Variants in LRP1B observed in about 807,000 individuals in gnomAD.
The protein encoded by LRP1B is LDL receptor related protein 1B, also known as low-density lipoprotein receptor-related protein 1B.
A neutral mutation model predicts 556.6 loss-of-function variants in LRP1B; 217 were observed. That is an observed-to-expected ratio of 0.39 (90% confidence interval 0.35 to 0.44). The LOEUF is 0.44. Among genes scored for constraint, LRP1B ranks in the 20% least tolerant of loss-of-function variants. LRP1B has a pLI of 1.00. For synonymous variants in LRP1B, 2,047 were observed against 1,865.8 expected, an observed-to-expected ratio of 1.10 and a Z score of -2.50; for missense variants, 5,053 against 5,620.8, an observed-to-expected ratio of 0.90 and a Z score of 3.23.
chr2:141,519,864 T>A (rs1323648567), intron 2 of LRP1B, among the ~76,000 whole-genome samples: 1 of 152,152 alleles, frequency 6.6e-6, no homozygotes, highest in Non-Finnish European at 1.5e-5. Context: ...TTGGCCTTTT[T>A]ACACTGGATG....
chr2:140,781,562 A>G (rs763697886), intron 32 of LRP1B, among the ~76,000 whole-genome samples: 8 of 152,228 alleles, frequency 5.3e-5, no homozygotes, highest in Non-Finnish European at 8.8e-5. Context: ...AGACAAGAGT[A>G]GTAAGGTCTC....
At chr2:141,581,101 C>T (rs1000730141) in intron 2 of LRP1B, among the ~76,000 whole-genome samples, 2 of 152,172 alleles carry the variant, frequency 1.3e-5, no homozygotes, top group Non-Finnish European at 2.9e-5. Flanking sequence ...TCTCTAGTAG[C>T]ATCATATGCA....
At chr2:141,041,090 G>C (rs557200930) in intron 11 of LRP1B, among the ~76,000 whole-genome samples, 1 of 152,128 alleles carries the variant, frequency 6.6e-6, no homozygotes, top group Non-Finnish European at 1.5e-5. Flanking sequence ...TGAAATTAAA[G>C]AGTAATGTAT....
chr2:141,178,169 CA>C (rs1364919809), intron 7 of LRP1B, among the ~76,000 whole-genome samples: 1 of 152,042 alleles, frequency 6.6e-6, no homozygotes, highest in Non-Finnish European at 1.5e-5. Flanking sequence ...CACAGAGCCC[CA>C]GGGGCAGGAT....
Position 141,005,443 on chromosome 2 carries a change from G to A in LRP1B, c.2395C>T (p.Arg799Ter), listed in dbSNP as rs79798812. The change falls in exon 15 of 91, where the codon CGA (arginine) becomes TGA (stop). Residue 799 changes from arginine to a stop codon, truncating the protein, a stop_gained. Coordinates refer to ENST00000389484, the MANE Select transcript of LRP1B (RefSeq NM_018557.3). LOFTEE classifies it high-confidence loss of function. The part of the protein sequence containing the change: ...PRKQQGDNMC[R>*]VNNGGCSTLC... ...GTACTACAGCCCCCATTATTTACTC[G>A]GCACATATTGTCACCTGCAAGAGGA... The A allele has an allele frequency of 6.2e-7, 1 of 1,609,976 alleles. No homozygotes were observed. Among genetic ancestry groups the A allele is most frequent in the African/African-American group, 1.3e-5 (1 of 74,690 alleles).
chr2:141,753,189 G>A (rs138602951), intron 2 of LRP1B, among the ~76,000 whole-genome samples: 1,426 of 140,250 alleles, frequency 0.01, 36 homozygotes, highest in African/African-American at 0.035. Context: ...GGGAGGTTGC[G>A]GTGAGCCCAG....
chr2:140,953,359 G>C (rs1276315626), intron 18 of LRP1B, among the ~76,000 whole-genome samples: 1 of 152,116 alleles, frequency 6.6e-6, no homozygotes, highest in Non-Finnish European at 1.5e-5. Context: ...AAAGTGCTGG[G>C]ATTACAGGCG....
chr2:141,601,150 A>G (rs1239781465), intron 2 of LRP1B, among the ~76,000 whole-genome samples: 1 of 152,172 alleles, frequency 6.6e-6, no homozygotes, highest in East Asian at 1.9e-4. Flanking sequence ...AAACTCAGGA[A>G]GCTTTTAAGT....
At chr2:140,346,746 C>T (rs1306961651) in intron 77 of LRP1B, among the ~76,000 whole-genome samples, 1 of 151,850 alleles carries the variant, frequency 6.6e-6, no homozygotes, top group East Asian at 1.9e-4. Context: ...GATACAGACT[C>T]ATATATTGGG....
At chr2:140,834,034 G>C (rs1300915200) in intron 31 of LRP1B, among the ~76,000 whole-genome samples, 1 of 152,164 alleles carries the variant, frequency 6.6e-6, no homozygotes, top group East Asian at 1.9e-4. Flanking sequence ...CTTCCTGAGA[G>C]ACTCATCAAC....
Position 141,634,075 on chromosome 2 carries a change from A to G in LRP1B, c.206-153542T>C, listed in dbSNP as rs548502318. Among the ~76,000 whole-genome samples the G allele has an allele frequency of 1.3e-4, 20 of 151,996 alleles. No homozygotes were observed. The East Asian group carries it at 3.3e-3, about 25-fold the overall frequency. ...ATTTTAACTTAGTCTCAGCTTGAAGAGTATTTAGAAAACAAAAAAGCCCAT... is the reference window on the plus strand; with the variant it reads ...ATTTTAACTTAGTCTCAGCTTGAAGGGTATTTAGAAAACAAAAAAGCCCAT... On this transcript the variant is annotated intron_variant, in intron 2 of 90. Coordinates refer to ENST00000389484, the MANE Select transcript of LRP1B (RefSeq NM_018557.3).
At chr2:141,863,929 A>C (rs1372029367) in intron 1 of LRP1B, among the ~76,000 whole-genome samples, 1 of 152,126 alleles carries the variant, frequency 6.6e-6, no homozygotes, top group Non-Finnish European at 1.5e-5. Flanking sequence ...ATTCTAACAC[A>C]ATATATTGCC....
chr2:141,842,754 A>G (rs957100992), intron 1 of LRP1B, among the ~76,000 whole-genome samples: 1 of 152,136 alleles, frequency 6.6e-6, no homozygotes, highest in Non-Finnish European at 1.5e-5. Context: ...TAAAGATCAA[A>G]TATTTTACAA....
rs559677191 is a variant in LRP1B at position 141,381,386 on chromosome 2, A to G, written c.343+99010T>C. Among the ~76,000 whole-genome samples the G allele has an allele frequency of 9.9e-5, 15 of 152,126 alleles. No individual in the cohort carries two copies. In the East Asian group the frequency reaches 2.9e-3, roughly 30 times the overall value. On this transcript the variant is annotated intron_variant, in intron 3 of 90. Transcript: ENST00000389484. ...AAGAGAAAAAAAAAAACAGAATGAAAAAGAGTGAAGATAGCTTAAAGGACT... is the reference window on the plus strand; with the variant it reads ...AAGAGAAAAAAAAAAACAGAATGAAGAAGAGTGAAGATAGCTTAAAGGACT...
chr2:141,929,638 C>A (rs1448236445), intron 1 of LRP1B, among the ~76,000 whole-genome samples: 2 of 151,996 alleles, frequency 1.3e-5, no homozygotes, highest in East Asian at 1.9e-4. Flanking sequence ...CTTTCACTAT[C>A]ATTTTTATTT....
At chr2:140,514,902 T>C in intron 50 of LRP1B, 130 bp from the exon 51 acceptor site, 3 of 875,856 alleles carry the variant, frequency 3.4e-6, no homozygotes, top group Non-Finnish European at 4.9e-6. Context: ...CAACTTCTTC[T>C]TTTCTATGAC....
intron 3 of LRP1B, among the ~76,000 whole-genome samples, chr2:141,284,219 A>C (rs1685619017): frequency 6.6e-6 from 1 of 152,202 alleles, no homozygotes; most frequent in South Asian, 2.1e-4. Context: ...AGGACTGGGG[A>C]ACTCAATAAT....
rs1471816805 is a variant in LRP1B, at chr2:140,696,635, A to G, written c.6799+3615T>C. On this transcript the variant is annotated intron_variant, in intron 41 of 90. Coordinates refer to ENST00000389484, the MANE Select transcript of LRP1B (RefSeq NM_018557.3). ...GGAGGAATAGCAGGAGGTGAGCAGC[A>G]GGTGACTCAGCATTATCATGTGAGC... is the stretch of plus-strand genomic sequence containing the variant. 2.0e-5 allele frequency among the ~76,000 whole-genome samples: 3 copies of G among 152,158 alleles called. No individual in the cohort carries two copies. In the East Asian group the frequency reaches 5.8e-4, roughly 29 times the overall value.
intron 5 of LRP1B, among the ~76,000 whole-genome samples, chr2:141,230,741 A>T (rs1483426628): frequency 1.3e-5 from 2 of 152,182 alleles, no homozygotes; most frequent in Non-Finnish European, 2.9e-5. Context: ...ATAATCATTT[A>T]TCAATTACCA....
Sources: gnomAD v4.1 joint callset for allele counts (sites outside exome capture counted in the v4.1 genomes callset) on GRCh38, gnomAD v4.1.1 for gene constraint, MANE v1.5 for transcripts, NCBI Gene and HGNC (gene_info 2026-07-23, HGNC 2026-07-21) for gene names.